Variants in CFB observed in about 807,000 individuals in gnomAD.
CFB encodes complement factor B, also known as B-factor, properdin.
CFB carries 59 observed loss-of-function variants against 97.2 expected under a neutral mutation model. That is an observed-to-expected ratio of 0.61 (90% CI 0.49 to 0.75). The LOEUF (loss-of-function observed/expected upper bound fraction) is 0.75. CFB is among the 30% of genes least tolerant of loss of function. The pLI is 0.00. For synonymous variants in CFB, 316 were observed against 351.7 expected (o/e 0.90, Z 1.14); for missense variants, 771 against 959.8 (o/e 0.80, Z 2.60).
intron 10 of CFB, 59 bp from the exon 11 acceptor site, chr6:31,949,991 C>T (rs1456185293): frequency 6.5e-7 from 1 of 1,541,222 alleles, no homozygotes. Flanking sequence ...ACCCAAAAGG[C>T]TGCTGCCATT....
chr6:31,950,361 T>G lies in CFB; in HGVS notation c.1582T>G (p.Phe528Val), dbSNP rs2151786493. Residue 528 changes from phenylalanine to valine, a missense_variant, in exon 12 of 18, where the codon TTC becomes GTC. Coordinates refer to ENST00000425368, the MANE Select transcript of CFB (RefSeq NM_001710.6). ...CTTTGTGCTGACAGCAGCACATTGT[T>G]TCACTGTGGATGACAAGGAACACTC... ...EYFVLTAAHC[F>V]TVDDKEHSIK... 1 of 1,613,074 alleles carries G rather than the reference T, an allele frequency of 6.2e-7. No homozygotes were observed. Among genetic ancestry groups the G allele is most frequent in the Non-Finnish European group, 8.5e-7 (1 of 1,180,032 alleles).
At position 31,950,288 on chromosome 6, in the gene CFB, C is replaced by G; in HGVS notation, c.1509C>G (p.Arg503=). ...QPWQAKISVI[R]PSKGHESCMG... ...CCTCTCTACTGTTGTGTCCCCAGCG[C>G]CCTTCAAAGGGACACGAGAGCTGTA... is the stretch of plus-strand genomic sequence containing the variant. The change falls in exon 12 of 18, where the codon CGC becomes CGG. Residue 503 remains arginine, a splice_region_variant and synonymous_variant. Transcript: ENST00000425368. 1 of 1,612,718 alleles carries G rather than the reference C, an allele frequency of 6.2e-7. No homozygotes were observed. The highest frequency in any genetic ancestry group is 1.3e-5 in the African/African-American group (1 of 75,020).
Position 31,951,361 on chromosome 6 carries a change from T to C in CFB, c.1977T>C (p.Asp659=), listed in dbSNP as rs1771758952. Residue 659 remains aspartate (D), a synonymous_variant, in exon 16 of 18, where the codon GAT becomes GAC. Transcript: ENST00000425368. This position sits in a 1 kb window ranked among gnomAD's most constrained non-coding sequence, Gnocchi z 4.3. The part of the protein sequence containing the change: ...NGDKKGSCER[D]AQYAPGYDKV... ...TACAGAAAGGCAGCTGTGAGAGAGATGCTCAATATGCCCCAGGCTATGACA... is the reference window on the plus strand; with the variant it reads ...TACAGAAAGGCAGCTGTGAGAGAGACGCTCAATATGCCCCAGGCTATGACA... The C allele has an allele frequency of 1.2e-6, 2 of 1,614,054 alleles. No homozygotes were observed. The highest frequency in any genetic ancestry group is 1.7e-6 in the Non-Finnish European group (2 of 1,180,048).
chr6:31,947,245 C>G lies in CFB; in HGVS notation c.484+53C>G. On this transcript the variant is annotated intron_variant, in intron 3 of 17. Transcript: ENST00000425368. The surrounding 1 kb of genome is among the most constrained non-coding windows in gnomAD (Gnocchi z 5.3). ...GCTGTCTCCCTGACGGCGCCCAGCC[C>G]GAGGAGTGGGCACTCGGCTCCGGAC... The G allele has an allele frequency of 6.2e-7, 1 of 1,611,378 alleles. No individual in the cohort carries two copies. Among genetic ancestry groups the G allele is most frequent in the Admixed American group, 1.7e-5 (1 of 60,012 alleles).
rs1205524590 is a variant in CFB at position 31,948,359 on chromosome 6, T to C, written c.898-15T>C. The C allele has an allele frequency of 6.2e-7, 1 of 1,614,076 alleles. No individual in the cohort carries two copies. The highest frequency in any genetic ancestry group is 1.3e-5 in the African/African-American group (1 of 74,922). ...TATTTTCAATGCCATGGCGCCTTGT[T>C]CTCCTCACCCACAGGTGGCAAGTTA... On this transcript the variant is annotated splice_polypyrimidine_tract_variant and intron_variant, in intron 6 of 17. Transcript: ENST00000425368.
At chr6:31,949,385 G>C in intron 9 of CFB, 35 bp from the exon 10 acceptor site, 1 of 1,614,132 alleles carries the variant, frequency 6.2e-7, no homozygotes, top group Non-Finnish European at 8.5e-7. Context: ...ACTTCCTCAG[G>C]GCTTGGACCC....
chr6:31,947,995 AT>A lies in CFB; in HGVS notation c.812del (p.Ile271ThrfsTer5). 1 of 1,614,198 alleles carries A rather than the reference AT, an allele frequency of 6.2e-7. No homozygotes were observed. The highest frequency in any genetic ancestry group is 8.5e-7 in the Non-Finnish European group (1 of 1,180,036). On this transcript the variant is annotated frameshift_variant, in exon 6 of 18. Transcript: ENST00000425368. LOFTEE classifies it high-confidence loss of function. This position sits in a 1 kb window ranked among gnomAD's most constrained non-coding sequence, Gnocchi z 5.3. Reference protein sequence around the residue: ...IVLDPSGSMNIYLVLDGSDSI... With the variant: ...IVLDPSGSMNXYLVLDGSDSI... Reference sequence around the variant, plus strand: ...CCTGGACCCTTCAGGCTCCATGAACATCTACCTGGTGCTAGATGGATCAGAC... The same window carrying A: ...CCTGGACCCTTCAGGCTCCATGAACACTACCTGGTGCTAGATGGATCAGAC...
At position 31,947,815 on chromosome 6, in the gene CFB, A is replaced by C; in HGVS notation, c.732A>C (p.Gly244=). 1 of 1,613,766 alleles carries C rather than the reference A, an allele frequency of 6.2e-7. No homozygotes were observed. The highest frequency in any genetic ancestry group is 8.5e-7 in the Non-Finnish European group (1 of 1,180,022). ...FLSSLTETIE[G]VDAEDGHGPG... Reference sequence around the variant, plus strand: ...CTTCCCTGACAGAGACCATAGAAGGAGTCGATGCTGAGGATGGGCACGGCC... The same window carrying C: ...CTTCCCTGACAGAGACCATAGAAGGCGTCGATGCTGAGGATGGGCACGGCC... The change falls in exon 5 of 18, where the codon GGA becomes GGC. Residue 244 remains glycine (G), a synonymous_variant. Coordinates refer to ENST00000425368, the MANE Select transcript of CFB (RefSeq NM_001710.6). The surrounding 1 kb of genome is among the most constrained non-coding windows in gnomAD (Gnocchi z 5.3).
intron 7 of CFB, 94 bp from the exon 8 acceptor site, chr6:31,948,736 T>C: frequency 1.2e-6 from 2 of 1,602,162 alleles, no homozygotes; most frequent in East Asian, 2.2e-5. Flanking sequence ...CTTAAAAAGT[T>C]GAAAGATGTG....
chr6:31,951,056 G>T lies in CFB; in HGVS notation c.1856-88G>T, dbSNP rs1473072769. 1 of 1,569,048 alleles carries T rather than the reference G, an allele frequency of 6.4e-7. No individual in the cohort carries two copies. The highest frequency in any genetic ancestry group is 1.7e-5 in the Admixed American group (1 of 59,930). On this transcript the variant is annotated intron_variant, in intron 14 of 17. Coordinates refer to ENST00000425368, the MANE Select transcript of CFB (RefSeq NM_001710.6). The surrounding 1 kb of genome is among the most constrained non-coding windows in gnomAD (Gnocchi z 4.3). ...CCTGGCCCAGAACCTAGCTCTAGAA[G>T]GGCTTAGGGGACATCTACTGAGTGA... is the stretch of plus-strand genomic sequence containing the variant.
chr6:31,946,566 G>T lies in CFB; in HGVS notation c.258G>T (p.Lys86Asn). Residue 86 changes from lysine to asparagine, a missense_variant, in exon 2 of 18, where the codon AAG becomes AAT. Transcript: ENST00000425368. The surrounding 1 kb of genome is among the most constrained non-coding windows in gnomAD (Gnocchi z 6.4). ...CRSTGSWSTL[K>N]TQDQKTVRKA... is the part of the protein sequence containing the mutation. ...CTACGGGGTCCTGGAGCACCCTGAA[G>T]ACTCAAGACCAAAAGACTGTCAGGA... 1 of 1,612,274 alleles carries T rather than the reference G, an allele frequency of 6.2e-7. No homozygotes were observed. Among genetic ancestry groups the T allele is most frequent in the Non-Finnish European group, 8.5e-7 (1 of 1,180,032 alleles).
In CFB at chr6:31,947,234, G is replaced by A. The variant is rs776541109; in HGVS notation, c.484+42G>A. ...CCCCCTACATTGCTGTCTCCCTGAC[G>A]GCGCCCAGCCCGAGGAGTGGGCACT... is the stretch of plus-strand genomic sequence containing the variant. On this transcript the variant is annotated intron_variant, in intron 3 of 17. Coordinates refer to ENST00000425368, the MANE Select transcript of CFB (RefSeq NM_001710.6). The surrounding 1 kb of genome is among the most constrained non-coding windows in gnomAD (Gnocchi z 5.3). 37 of 1,611,032 alleles carry A rather than the reference G, an allele frequency of 2.3e-5. No homozygotes were observed. The highest frequency in any genetic ancestry group is 3.0e-5 in the Non-Finnish European group (35 of 1,179,190).
In CFB at chr6:31,951,679, T is replaced by A. The variant is rs780561436; in HGVS notation, c.2139+75T>A. 1.3e-6 allele frequency: 2 copies of A among 1,597,786 alleles called. No individual in the cohort carries two copies. Among genetic ancestry groups the A allele is most frequent in the South Asian group, 2.2e-5 (2 of 90,730 alleles). ...CCCCAAAGCAGGAAAGCTCAATGCATGTGGCTAGTAATTCGAGGTAGGCAG... is the reference window on the plus strand; with the variant it reads ...CCCCAAAGCAGGAAAGCTCAATGCAAGTGGCTAGTAATTCGAGGTAGGCAG... On this transcript the variant is annotated intron_variant, in intron 17 of 17. Coordinates refer to ENST00000425368, the MANE Select transcript of CFB (RefSeq NM_001710.6). The surrounding 1 kb of genome is among the most constrained non-coding windows in gnomAD (Gnocchi z 4.3).
rs752143283 is a variant in CFB at position 31,951,196 on chromosome 6, G to A, written c.1908G>A (p.Glu636=). The A allele has an allele frequency of 3.1e-6, 5 of 1,613,080 alleles. No homozygotes were observed. Among genetic ancestry groups the A allele is most frequent in the Non-Finnish European group, 4.2e-6 (5 of 1,180,030 alleles). ...QDIKALFVSE[E]EKKLTRKEVY... is the part of the protein sequence containing the mutation. ...TCAAAGCTCTGTTTGTGTCTGAGGA[G>A]GAGAAAAAGCTGACTCGGAAGGAGG... Residue 636 remains glutamate (E), a synonymous_variant, in exon 15 of 18, where the codon GAG becomes GAA. Coordinates refer to ENST00000425368, the MANE Select transcript of CFB (RefSeq NM_001710.6). This position sits in a 1 kb window ranked among gnomAD's most constrained non-coding sequence, Gnocchi z 4.3.
rs11754061 is a variant in CFB at position 31,947,060 on chromosome 6, T to G, written c.352T>G (p.Ser118Ala). 6.2e-7 allele frequency: 1 copy of G among 1,612,892 alleles called. No homozygotes were observed. Among genetic ancestry groups the G allele is most frequent in the Non-Finnish European group, 8.5e-7 (1 of 1,180,000 alleles). ...DFENGEYWPRSPYYNVSDEIS... is the reference protein window; with the variant it reads ...DFENGEYWPRAPYYNVSDEIS... Reference sequence around the variant, plus strand: ...CGAGAACGGGGAATACTGGCCCCGGTCTCCCTACTACAATGTGAGTGATGA... The same window carrying G: ...CGAGAACGGGGAATACTGGCCCCGGGCTCCCTACTACAATGTGAGTGATGA... The change falls in exon 3 of 18, where the codon TCT becomes GCT. Residue 118 changes from serine to alanine, a missense_variant. By Grantham distance (99) the Ser-to-Ala change is moderately conservative. Coordinates refer to ENST00000425368, the MANE Select transcript of CFB (RefSeq NM_001710.6). This position sits in a 1 kb window ranked among gnomAD's most constrained non-coding sequence, Gnocchi z 5.3.
At position 31,947,139 on chromosome 6, in the gene CFB, C is replaced by T. The variant is rs1771478136; in HGVS notation, c.431C>T (p.Thr144Ile). The change falls in exon 3 of 18, where the codon ACC (threonine) becomes ATC (isoleucine). Residue 144 changes from threonine to isoleucine, a missense_variant. Thr to Ile is a moderately conservative substitution (Grantham distance 89). Coordinates refer to ENST00000425368, the MANE Select transcript of CFB (RefSeq NM_001710.6). This position sits in a 1 kb window ranked among gnomAD's most constrained non-coding sequence, Gnocchi z 5.3. ...ACTCTCCGGGGCTCTGCCAATCGCA[C>T]CTGCCAAGTGAATGGCCGATGGAGT... Reference protein sequence around the residue: ...GYTLRGSANRTCQVNGRWSGQ... With the variant: ...GYTLRGSANRICQVNGRWSGQ... 1.2e-6 allele frequency: 2 copies of T among 1,612,922 alleles called. No individual in the cohort carries two copies. The highest frequency in any genetic ancestry group is 1.7e-5 in the Admixed American group (1 of 59,998).
In CFB at chr6:31,946,373, G is replaced by A; in HGVS notation, c.65G>A (p.Gly22Asp). Residue 22 changes from glycine to aspartate, a missense_variant and splice_region_variant, in exon 2 of 18, where the codon GGT becomes GAT. Transcript: ENST00000425368. This position sits in a 1 kb window ranked among gnomAD's most constrained non-coding sequence, Gnocchi z 6.4. ...MPFILGLLSG[G>D]VTTTPWSLAR... ...AGGCTTCATCAGCCTTTCTCTTCAGGTGTGACCACCACTCCATGGTCTTTG... is the reference window on the plus strand; with the variant it reads ...AGGCTTCATCAGCCTTTCTCTTCAGATGTGACCACCACTCCATGGTCTTTG... The A allele has an allele frequency of 1.2e-6, 2 of 1,612,966 alleles. No individual in the cohort carries two copies. Among genetic ancestry groups the A allele is most frequent in the Non-Finnish European group, 1.7e-6 (2 of 1,180,004 alleles).
Position 31,947,625 on chromosome 6 carries a change from T to C in CFB, c.658+104T>C. The C allele has an allele frequency of 1.3e-6, 2 of 1,576,588 alleles. No homozygotes were observed. Among genetic ancestry groups the C allele is most frequent in the Non-Finnish European group, 1.7e-6 (2 of 1,147,310 alleles). On this transcript the variant is annotated intron_variant, in intron 4 of 17. Transcript: ENST00000425368. This position sits in a 1 kb window ranked among gnomAD's most constrained non-coding sequence, Gnocchi z 5.3. ...TTTCCTCACTTTGTTTAAACCTCCC[T>C]GTACAACTATCTCACTTCTGAGCCT...
intron 6 of CFB, 92 bp from the exon 7 acceptor site, chr6:31,948,282 G>A: frequency 6.4e-7 from 1 of 1,573,576 alleles, no homozygotes; most frequent in Non-Finnish European, 8.7e-7. Context: ...GCCTCTTACT[G>A]AGAGCCTCCC....
Sources: gnomAD v4.1 joint callset for allele counts on GRCh38, gnomAD v4.1.1 for gene constraint, Gnocchi (gnomAD v3.1) non-coding constraint, MANE v1.5 for transcripts, NCBI Gene and HGNC (gene_info 2026-07-23, HGNC 2026-07-21) for gene names.